The following PRKN variants were observed in gnomAD, a reference collection of about 807,000 sequenced individuals.
PRKN encodes parkin RBR E3 ubiquitin protein ligase, also known as E3 ubiquitin-protein ligase parkin.
A neutral mutation model predicts 59.5 loss-of-function variants in PRKN; 56 were observed. The ratio of observed to expected loss-of-function variants is 0.94; its 90% CI spans 0.76 to 1.18. The LOEUF is 1.18. PRKN is among the 50% of genes most tolerant of loss of function. PRKN has a pLI of 0.00. For synonymous variants in PRKN, 250 were observed against 222.1 expected, an observed-to-expected ratio of 1.13 and a Z score of -1.12; for missense variants, 657 against 596.4, an observed-to-expected ratio of 1.10 and a Z score of -1.06.
intron 6 of PRKN, among the ~76,000 whole-genome samples, chr6:161,941,515 T>C (rs1779566486): frequency 6.6e-6 from 1 of 152,200 alleles, no homozygotes; most frequent in South Asian, 2.1e-4. Context: ...CCACTTGTGA[T>C]CCGATTCTTC....
intron 2 of PRKN, among the ~76,000 whole-genome samples, chr6:162,339,243 TG>T (rs1196462167): frequency 1.2e-5 from 1 of 86,228 alleles, no homozygotes; most frequent in Non-Finnish European, 2.4e-5. Context: ...AGGGAGGTGG[TG>T]GGGGTCAGCC....
intron 5 of PRKN, among the ~76,000 whole-genome samples, chr6:162,032,692 G>C (rs1037507878): frequency 5.3e-5 from 8 of 152,092 alleles, no homozygotes; most frequent in African/African-American, 2.4e-5. Context: ...TATAGCTAAC[G>C]GTCACTGCTC....
intron 6 of PRKN, among the ~76,000 whole-genome samples, chr6:161,852,412 C>T (rs1793476510): frequency 6.6e-6 from 1 of 152,102 alleles, no homozygotes; most frequent in Non-Finnish European, 1.5e-5. Flanking sequence ...ATGATCACAT[C>T]ACTGCACTCC....
chr6:162,126,458 C>T (rs1781129205), intron 4 of PRKN, among the ~76,000 whole-genome samples: 1 of 152,156 alleles, frequency 6.6e-6, no homozygotes, highest in Non-Finnish European at 1.5e-5. Flanking sequence ...CTTAGTTTAT[C>T]GTTATTTAGG....
intron 4 of PRKN, among the ~76,000 whole-genome samples, chr6:162,073,648 C>T (rs1314790416): frequency 1.3e-5 from 2 of 152,162 alleles, no homozygotes; most frequent in African/African-American, 2.4e-5. Flanking sequence ...GACAAGGTTT[C>T]GCCATGTTGG....
At chr6:161,563,776 A>G (rs1780539383) in intron 8 of PRKN, among the ~76,000 whole-genome samples, 1 of 152,322 alleles carries the variant, frequency 6.6e-6, no homozygotes, top group Non-Finnish European at 1.5e-5. Flanking sequence ...TCTCTGCCAT[A>G]CAGTAATGAA....
At chr6:162,331,166 T>TTA in intron 2 of PRKN, among the ~76,000 whole-genome samples, 1 of 141,510 alleles carries the variant, frequency 7.1e-6, no homozygotes, top group African/African-American at 2.6e-5. Context: ...CCATCTCTAT[T>TTA]AAAAAAAAAA....
chr6:162,446,768 G>A (rs1421465382), intron 1 of PRKN, among the ~76,000 whole-genome samples: 1 of 152,112 alleles, frequency 6.6e-6, no homozygotes, highest in Non-Finnish European at 1.5e-5. Context: ...GCAGTAATGT[G>A]ATTTGAGTGG....
chr6:161,352,595 C>T lies in PRKN; in HGVS notation c.1286-2384G>A, dbSNP rs1231967879. On this transcript the variant is annotated intron_variant, in intron 11 of 11. Coordinates refer to ENST00000366898, the MANE Select transcript of PRKN (RefSeq NM_004562.3). The surrounding 1 kb of genome is among the most constrained non-coding windows in gnomAD (Gnocchi z 5.8). Reference sequence around the variant, plus strand: ...TATATCATGTATCGTAAAATATATTCAATCAAAATTATTGAGCAATACATT... The same window carrying T: ...TATATCATGTATCGTAAAATATATTTAATCAAAATTATTGAGCAATACATT... Among the ~76,000 whole-genome samples the T allele has an allele frequency of 6.6e-6, 1 of 150,992 alleles. No individual in the cohort carries two copies. Among genetic ancestry groups the T allele is most frequent in the African/African-American group, 2.4e-5 (1 of 41,184 alleles).
rs1294710748 is a variant in PRKN at position 162,556,360 on chromosome 6, T to TGTGTGTGTGTGTGC, written c.8-112888_8-112887insGCACACACACACAC. ...CTCAGCTGGTGTGTGTGTGTGTGTG[T>TGTGTGTGTGTGTGC]GTGTGTGTGTGTGTGTGTGTGTGTG... On this transcript the variant is annotated intron_variant, in intron 1 of 11. Transcript: ENST00000366898. 4.1e-3 allele frequency among the ~76,000 whole-genome samples: 339 copies of TGTGTGTGTGTGTGC among 82,728 alleles called. 6 individuals are homozygous for TGTGTGTGTGTGTGC. The highest frequency in any genetic ancestry group is 0.012 in the African/African-American group (308 of 25,806). The allele number at this position is 82,728 out of a possible 152,430, so 54.3% of individuals were successfully genotyped here.
At chr6:162,553,836 AAAAAAAAAAAAAG>A (rs1779435448) in intron 1 of PRKN, among the ~76,000 whole-genome samples, 2 of 25,146 alleles carry the variant, frequency 8.0e-5, no homozygotes, top group African/African-American at 1.6e-4. Context: ...AAAAAAAAAA[AAAAAAAAAAAAAG>A]GGTAAAAGTG....
chr6:162,521,063 TAAGA>T (rs1375792698), intron 1 of PRKN, among the ~76,000 whole-genome samples: 2 of 152,190 alleles, frequency 1.3e-5, no homozygotes, highest in Non-Finnish European at 2.9e-5. Context: ...CAGCTCTATT[TAAGA>T]AAGGGCCTTA....
intron 2 of PRKN, among the ~76,000 whole-genome samples, chr6:162,363,467 GA>G (rs1361836958): frequency 6.6e-6 from 1 of 152,052 alleles, no homozygotes; most frequent in Non-Finnish European, 1.5e-5. Flanking sequence ...ATGTCTATTT[GA>G]AAACTATTTA....
intron 4 of PRKN, among the ~76,000 whole-genome samples, chr6:162,123,141 T>C (rs1036461766): frequency 3.3e-5 from 5 of 152,182 alleles, no homozygotes; most frequent in African/African-American, 1.2e-4. Context: ...ACTGAATTGC[T>C]ACTACACAGT....
At chr6:162,062,999 A>T (rs1281426426) in intron 4 of PRKN, among the ~76,000 whole-genome samples, 2 of 152,202 alleles carry the variant, frequency 1.3e-5, no homozygotes, top group African/African-American at 2.4e-5. Context: ...GAAAAACTGA[A>T]TATAAATATC....
intron 1 of PRKN, among the ~76,000 whole-genome samples, chr6:162,563,248 G>A (rs1277640407): frequency 6.6e-6 from 1 of 151,822 alleles, no homozygotes; most frequent in Non-Finnish European, 1.5e-5. Flanking sequence ...AGCTTGCAGT[G>A]AGCTGAGATC....
chr6:162,073,920 A>G (rs772827166), intron 4 of PRKN, among the ~76,000 whole-genome samples: 90 of 152,218 alleles, frequency 5.9e-4, no homozygotes, highest in Non-Finnish European at 9.8e-4. Context: ...GCAAATCAAA[A>G]TCACAATGAG....
At chr6:162,283,929 A>G (rs572211614) in intron 2 of PRKN, among the ~76,000 whole-genome samples, 39 of 152,312 alleles carry the variant, frequency 2.6e-4, no homozygotes, top group African/African-American at 9.4e-4. Flanking sequence ...ATTTTACCTG[A>G]ACAATATTCT....
At chr6:162,542,277 C>A (rs990975626) in intron 1 of PRKN, among the ~76,000 whole-genome samples, 5 of 152,056 alleles carry the variant, frequency 3.3e-5, no homozygotes, top group Non-Finnish European at 5.9e-5. Context: ...ATTCTCTCTA[C>A]ATTATTTTAT....
Sources: gnomAD v4.1 joint callset for allele counts (sites outside exome capture counted in the v4.1 genomes callset) on GRCh38, gnomAD v4.1.1 for gene constraint, Gnocchi (gnomAD v3.1) non-coding constraint, MANE v1.5 for transcripts, NCBI Gene and HGNC (gene_info 2026-07-23, HGNC 2026-07-21) for gene names.